Variants in LHFPL3 observed in about 807,000 individuals in gnomAD.
LHFPL3 encodes LHFPL tetraspan subfamily member 3 protein.
Under a neutral mutation model 19.3 loss-of-function variants are expected in LHFPL3, and 5 were observed. That is an observed-to-expected ratio of 0.26 (90% CI 0.14 to 0.54). The LOEUF is 0.54. Among genes scored for constraint, LHFPL3 ranks in the 20% least tolerant of loss-of-function variants. LHFPL3 has a pLI of 0.94. For synonymous variants in LHFPL3, 133 were observed against 126.2 expected (o/e 1.05, Z -0.36); for missense variants, 249 against 307.4 (o/e 0.81, Z 1.42).
chr7:104,478,213 A>C (rs1482036446), intron 1 of LHFPL3, among the ~76,000 whole-genome samples: 1 of 152,120 alleles, frequency 6.6e-6, no homozygotes, highest in African/African-American at 2.4e-5. Context: ...CCCTTTTATG[A>C]GTCTCCGTTG....
intron 1 of LHFPL3, among the ~76,000 whole-genome samples, chr7:104,448,593 A>G (rs961297335): frequency 6.6e-6 from 1 of 152,202 alleles, no homozygotes; most frequent in Non-Finnish European, 1.5e-5. Context: ...AGTATTTTGG[A>G]ACCTCTTTTT....
intron 1 of LHFPL3, among the ~76,000 whole-genome samples, chr7:104,525,061 G>A (rs1794160394): frequency 6.6e-6 from 1 of 152,174 alleles, no homozygotes; most frequent in Admixed American, 6.5e-5. Context: ...TTTAGCTTGT[G>A]TTGGAGTAAC....
chr7:104,439,322 C>A (rs533275552), intron 1 of LHFPL3, among the ~76,000 whole-genome samples: 18 of 152,062 alleles, frequency 1.2e-4, no homozygotes, highest in Non-Finnish European at 1.5e-5. Flanking sequence ...ACCCTGATAG[C>A]AAAACCAGGC....
Position 104,675,923 on chromosome 7 carries a change from G to T in LHFPL3, c.446-60752G>T, listed in dbSNP as rs143520670. On this transcript the variant is annotated intron_variant, in intron 1 of 2. Transcript: ENST00000424859. ...AAGCATTTAGAGATGAGGGCAAAGG[G>T]CAGATCTACAGATAGACATCAGGAA... 6.0e-3 allele frequency among the ~76,000 whole-genome samples: 907 copies of T among 152,264 alleles called. 14 individuals are homozygous for T. The highest frequency in any genetic ancestry group is 0.027 in the Admixed American group (410 of 15,294).
rs1225153693 is a variant in LHFPL3 at position 104,824,412 on chromosome 7, T to TA, written c.683-81774dup. On this transcript the variant is annotated intron_variant, in intron 2 of 2. Coordinates refer to ENST00000424859, the MANE Select transcript of LHFPL3 (RefSeq NM_199000.3). ...ATAATTATAGATAATATATAATATA[T>TA]ATTTTATATATAATATATATAATTA... 2.1e-4 allele frequency among the ~76,000 whole-genome samples: 10 copies of TA among 48,242 alleles called. No homozygotes were observed. In the East Asian group the frequency reaches 5.1e-3, roughly 24 times the overall value. The allele number at this position is 48,242 out of a possible 152,430, so 31.6% of individuals were successfully genotyped here.
chr7:104,515,056 T>C lies in LHFPL3; in HGVS notation c.445+185832T>C, dbSNP rs1246562151. On this transcript the variant is annotated intron_variant, in intron 1 of 2. Coordinates refer to ENST00000424859, the MANE Select transcript of LHFPL3 (RefSeq NM_199000.3). ...ACTTCTTTCACTTTTAACAGTAGCA[T>C]TGTTTGCCTGCCGTTTCTCCCCAGA... 2.0e-5 allele frequency among the ~76,000 whole-genome samples: 3 copies of C among 152,330 alleles called. No individual in the cohort carries two copies. The East Asian group carries it at 5.8e-4, about 29-fold the overall frequency.
chr7:104,595,076 C>G (rs1790815770), intron 1 of LHFPL3, among the ~76,000 whole-genome samples: 1 of 152,200 alleles, frequency 6.6e-6, no homozygotes. Flanking sequence ...TAGCTTTGTT[C>G]CGTTGCTGGC....
At chr7:104,559,361 A>C (rs1420514778) in intron 1 of LHFPL3, among the ~76,000 whole-genome samples, 2 of 150,420 alleles carry the variant, frequency 1.3e-5, no homozygotes, top group African/African-American at 2.5e-5. Context: ...TTCGTTGAGC[A>C]GTGGTTTGTA....
At position 104,866,341 on chromosome 7, in the gene LHFPL3, C is replaced by T. The variant is rs1476082241; in HGVS notation, c.683-39846C>T. On this transcript the variant is annotated intron_variant, in intron 2 of 2. Coordinates refer to ENST00000424859, the MANE Select transcript of LHFPL3 (RefSeq NM_199000.3). ...GTATTCAAGAAACCCATCTCATGTG[C>T]AGAGACACACATAGGCTCAAAATAA... is the stretch of plus-strand genomic sequence containing the variant. Among the ~76,000 whole-genome samples the T allele has an allele frequency of 6.6e-5, 10 of 152,246 alleles. No homozygotes were observed. The East Asian group carries it at 1.9e-3, about 29-fold the overall frequency.
intron 1 of LHFPL3, among the ~76,000 whole-genome samples, chr7:104,593,444 G>A (rs1790770334): frequency 6.6e-6 from 1 of 152,140 alleles, no homozygotes; most frequent in Non-Finnish European, 1.5e-5. Context: ...TTGCTGAGGA[G>A]TGCTTTACTT....
Position 104,849,776 on chromosome 7 carries a change from T to C in LHFPL3, c.683-56411T>C, listed in dbSNP as rs552071897. ...CTTCTTGGCCTCTCTGAGCCAGCATTCCTTCCTTCTGGATGTGGGGCAGGA... is the reference window on the plus strand; with the variant it reads ...CTTCTTGGCCTCTCTGAGCCAGCATCCCTTCCTTCTGGATGTGGGGCAGGA... On this transcript the variant is annotated intron_variant, in intron 2 of 2. Transcript: ENST00000424859. 3.1e-4 allele frequency among the ~76,000 whole-genome samples: 47 copies of C among 152,342 alleles called. 1 individual carries two copies. The South Asian group carries it at 8.3e-3, about 27-fold the overall frequency.
At chr7:104,862,129 A>C (rs1791629109) in intron 2 of LHFPL3, among the ~76,000 whole-genome samples, 1 of 152,196 alleles carries the variant, frequency 6.6e-6, no homozygotes, top group Admixed American at 6.5e-5. Flanking sequence ...TGGAGATTAA[A>C]AAAAAATACC....
chr7:104,711,780 T>C (rs1393558116), intron 1 of LHFPL3, among the ~76,000 whole-genome samples: 1 of 152,112 alleles, frequency 6.6e-6, no homozygotes, highest in African/African-American at 2.4e-5. Flanking sequence ...CAGAAGAGAT[T>C]TATGAAAGGC....
At chr7:104,538,817 G>A (rs938774938) in intron 1 of LHFPL3, among the ~76,000 whole-genome samples, 10 of 150,430 alleles carry the variant, frequency 6.6e-5, no homozygotes, top group South Asian at 2.1e-4. Context: ...AACTTTGCAC[G>A]TGAGATTAAA....
chr7:104,824,807 T>A lies in LHFPL3; in HGVS notation c.683-81380T>A, dbSNP rs1445660974. On this transcript the variant is annotated intron_variant, in intron 2 of 2. Transcript: ENST00000424859. Reference sequence around the variant, plus strand: ...TTTCAAACTTCTCTGTTTCAAAAAATATATATAATGATATATTATATAATT... The same window carrying A: ...TTTCAAACTTCTCTGTTTCAAAAAAAATATATAATGATATATTATATAATT... 7.2e-5 allele frequency among the ~76,000 whole-genome samples: 9 copies of A among 125,026 alleles called. No individual in the cohort carries two copies. The South Asian group carries it at 1.8e-3, about 25-fold the overall frequency. The allele number at this position is 125,026 out of a possible 152,430, so 82.0% of individuals were successfully genotyped here.
chr7:104,359,366 TTTAAAA>T (rs1375586566), intron 1 of LHFPL3, among the ~76,000 whole-genome samples: 2 of 152,216 alleles, frequency 1.3e-5, no homozygotes, highest in African/African-American at 4.8e-5. Context: ...AAAAATAAAA[TTTAAAA>T]TTATTATATA....
At chr7:104,576,496 C>T (rs1346407791) in intron 1 of LHFPL3, among the ~76,000 whole-genome samples, 6 of 152,164 alleles carry the variant, frequency 3.9e-5, no homozygotes, top group Non-Finnish European at 8.8e-5. Flanking sequence ...CTTCAAGCCA[C>T]TGCTTGGCAT....
At chr7:104,814,526 G>A (rs373656697) in intron 2 of LHFPL3, among the ~76,000 whole-genome samples, 4 of 152,228 alleles carry the variant, frequency 2.6e-5, no homozygotes, top group South Asian at 2.1e-4. Context: ...TCAGGTCCAC[G>A]GAACTGGCAG....
intron 1 of LHFPL3, among the ~76,000 whole-genome samples, chr7:104,599,566 A>G (rs576903252): frequency 7.9e-5 from 12 of 152,236 alleles, no homozygotes; most frequent in Non-Finnish European, 1.6e-4. Flanking sequence ...TCATTGAATT[A>G]GCATTTTCTG....
Sources: allele counts gnomAD v4.1 joint callset (sites outside exome capture counted in the v4.1 genomes callset), GRCh38; gene constraint gnomAD v4.1.1; transcripts MANE v1.5; gene names NCBI Gene and HGNC (gene_info 2026-07-23, HGNC 2026-07-21).